Variants in DENND2B observed in about 807,000 individuals in gnomAD.
DENND2B encodes the protein DENN domain-containing protein 2B.
In DENND2B, 32 loss-of-function variants were observed where a neutral mutation model predicts 116.0. The observed-to-expected ratio is 0.28, with a 90% CI of 0.21 to 0.37. The LOEUF (loss-of-function observed/expected upper bound fraction) is 0.37. Among genes scored for constraint, DENND2B ranks in the 10% least tolerant of loss-of-function variants. The pLI, the probability that DENND2B is intolerant of heterozygous loss-of-function variation, is 1.00. For synonymous variants in DENND2B, 588 were observed against 583.9 expected (o/e 1.01, Z -0.10); for missense variants, 1,276 against 1,477.7 (o/e 0.86, Z 2.24).
At chr11:8,827,900 C>A (rs1346240659) in intron 4 of DENND2B, among the ~76,000 whole-genome samples, 1 of 152,140 alleles carries the variant, frequency 6.6e-6, no homozygotes, top group East Asian at 1.9e-4. Flanking sequence ...CAGCCACAAA[C>A]TTCCTTCCTC....
intron 2 of DENND2B, among the ~76,000 whole-genome samples, chr11:8,735,436 T>C (rs960028331): frequency 1.3e-5 from 2 of 152,244 alleles, no homozygotes; most frequent in South Asian, 2.1e-4. Context: ...CCCACAGAAA[T>C]GTGAGAAACA....
At chr11:8,694,164 G>C in intron 19 of DENND2B, 34 bp from the exon 20 acceptor site, 2 of 1,613,738 alleles carry the variant, frequency 1.2e-6, no homozygotes, top group Non-Finnish European at 8.5e-7. Context: ...AGAATGTTCA[G>C]TGTTATCCCT....
At chr11:8,819,467 A>G (rs780375087) in intron 4 of DENND2B, among the ~76,000 whole-genome samples, 1 of 152,216 alleles carries the variant, frequency 6.6e-6, no homozygotes, top group Non-Finnish European at 1.5e-5. Flanking sequence ...CAGAGTATTT[A>G]TTAATTACAA....
Position 8,713,672 on chromosome 11 carries a change from G to A in DENND2B, c.1987+326C>T, listed in dbSNP as rs373945538. Reference sequence around the variant, plus strand: ...TGGGATTACAGGCATGAGCCACCGCGCCCGGCTGAGATCTACAACATTTAC... The same window carrying A: ...TGGGATTACAGGCATGAGCCACCGCACCCGGCTGAGATCTACAACATTTAC... On this transcript the variant is annotated intron_variant, in intron 8 of 19. Coordinates refer to ENST00000313726, the MANE Select transcript of DENND2B (RefSeq NM_213618.2). Among the ~76,000 whole-genome samples the A allele has an allele frequency of 2.5e-4, 38 of 151,872 alleles. 3 individuals are homozygous for A. Among genetic ancestry groups the A allele is most frequent in the African/African-American group, 6.8e-4 (28 of 41,364 alleles).
intron 1 of DENND2B, among the ~76,000 whole-genome samples, chr11:8,892,624 C>T (rs1057451491): frequency 4.0e-5 from 6 of 151,804 alleles, no homozygotes; most frequent in Admixed American, 1.3e-4. Context: ...AACACCTCTA[C>T]GCAAATAAAC....
At chr11:8,722,581 C>T (rs539789603) in intron 4 of DENND2B, among the ~76,000 whole-genome samples, 3 of 152,290 alleles carry the variant, frequency 2.0e-5, no homozygotes, top group East Asian at 1.9e-4. Context: ...TCCAAACTCT[C>T]GGGCCTGTCC....
chr11:8,721,148 C>A (rs890950470), intron 4 of DENND2B, among the ~76,000 whole-genome samples: 1 of 152,066 alleles, frequency 6.6e-6, no homozygotes, highest in African/African-American at 2.4e-5. Flanking sequence ...AAGGCATCAC[C>A]GAGAATTTCT....
chr11:8,848,569 G>C (rs1268048846), intron 3 of DENND2B, among the ~76,000 whole-genome samples: 3 of 152,182 alleles, frequency 2.0e-5, no homozygotes, highest in Non-Finnish European at 4.4e-5. Context: ...AAATGTGAGA[G>C]AGTGGTTATA....
Position 8,694,093 on chromosome 11 carries a change from G to A in DENND2B, c.*3C>T. The A allele has an allele frequency of 1.2e-6, 2 of 1,614,148 alleles. No homozygotes were observed. The highest frequency in any genetic ancestry group is 2.7e-5 in the African/African-American group (2 of 75,040). On this transcript the variant is annotated 3_prime_UTR_variant, in exon 20 of 20. Transcript: ENST00000313726. ...CACTGGACTCTGCTACTGAGAAGGA[G>A]GCTTAATTCTTCTTGTGGAGAAACT...
intron 1 of DENND2B, among the ~76,000 whole-genome samples, chr11:8,766,998 G>A (rs191330178): frequency 1.1e-3 from 163 of 152,258 alleles, no homozygotes; most frequent in African/African-American, 3.7e-3. Context: ...AAAGAATTTC[G>A]AATTCCAGGA....
chr11:8,884,112 G>A (rs1223387625), intron 1 of DENND2B, among the ~76,000 whole-genome samples: 1 of 152,150 alleles, frequency 6.6e-6, no homozygotes, highest in Non-Finnish European at 1.5e-5. Flanking sequence ...CTATGCCTGT[G>A]TCAGAAGTTG....
chr11:8,791,651 C>T (rs2134334755), intron 1 of DENND2B, among the ~76,000 whole-genome samples: 1 of 152,014 alleles, frequency 6.6e-6, no homozygotes, highest in East Asian at 1.9e-4. Flanking sequence ...CCTGTAGTCC[C>T]ACCTACTTGG....
rs563118595 is a variant in DENND2B at position 8,856,669 on chromosome 11, G to A, written c.-156+674C>T. ...TATTGGGCAGCTCCCCTGATGGAAA[G>A]GCAGGCCCAGGCCCTCTCTGGGCAG... On this transcript the variant is annotated intron_variant, in intron 3 of 6. Coordinates refer to the DENND2B transcript ENST00000524757. Among the ~76,000 whole-genome samples the A allele has an allele frequency of 4.6e-4, 70 of 152,186 alleles. 1 individual carries two copies. The highest frequency in any genetic ancestry group is 8.2e-4 in the Non-Finnish European group (56 of 67,998).
chr11:8,738,764 C>G (rs2049599219), intron 2 of DENND2B, among the ~76,000 whole-genome samples: 1 of 152,220 alleles, frequency 6.6e-6, no homozygotes, highest in African/African-American at 2.4e-5. Context: ...TGCAAATTCA[C>G]TGGCATTGTT....
At chr11:8,701,354 GGGGGGA>G (rs61682010) in intron 14 of DENND2B, among the ~76,000 whole-genome samples, 10,557 of 49,220 alleles carry the variant, frequency 0.21, 2,060 homozygotes, top group Non-Finnish European at 0.27. Flanking sequence ...CGGGGGGGGG[GGGGGGA>G]GGGGCTACAT....
intron 1 of DENND2B, among the ~76,000 whole-genome samples, chr11:8,778,723 C>A (rs560557715): frequency 6.6e-6 from 1 of 152,190 alleles, no homozygotes; most frequent in Admixed American, 6.5e-5. Context: ...CATGGGGTGC[C>A]GGCCATCACC....
chr11:8,779,950 A>G (rs1360985906), intron 1 of DENND2B, among the ~76,000 whole-genome samples: 8 of 152,222 alleles, frequency 5.3e-5, no homozygotes, highest in Admixed American at 4.6e-4. Flanking sequence ...ACGGTAGGAC[A>G]AGCTTCAGGC....
chr11:8,891,410 T>C (rs2064031108), intron 1 of DENND2B, among the ~76,000 whole-genome samples: 1 of 152,168 alleles, frequency 6.6e-6, no homozygotes, highest in African/African-American at 2.4e-5. Context: ...TAAATGTAAA[T>C]GGGCTAAATG....
chr11:8,698,233 G>A (rs1258405197), intron 16 of DENND2B, among the ~76,000 whole-genome samples: 1 of 149,898 alleles, frequency 6.7e-6, no homozygotes, highest in African/African-American at 2.4e-5. Context: ...TCCTGATTAG[G>A]TCTCCCCAAT....
Sources: gnomAD v4.1 joint callset for allele counts (sites outside exome capture counted in the v4.1 genomes callset) on GRCh38, gnomAD v4.1.1 for gene constraint, MANE v1.5 for transcripts, NCBI Gene and HGNC (gene_info 2026-07-23, HGNC 2026-07-21) for gene names.